Variants in GHRHR observed in about 807,000 individuals in gnomAD.
GHRHR encodes the protein growth hormone-releasing hormone receptor.
A neutral mutation model predicts 58.3 loss-of-function variants in GHRHR; 40 were observed. The ratio of observed to expected loss-of-function variants is 0.69; its 90% CI spans 0.53 to 0.89. The LOEUF is 0.89. Among genes scored for constraint, GHRHR ranks in the 40% least tolerant of loss-of-function variants. The pLI is 0.00. For missense variants in GHRHR, 551 were observed against 541.3 expected (o/e 1.02, Z -0.18); for synonymous variants, 249 against 216.6 (o/e 1.15, Z -1.31).
rs1562594746 is a variant in GHRHR, at chr7:30,974,489, CGT to C, written c.812+2_812+3del. On this transcript the variant is annotated splice_donor_variant, in intron 8 of 12. Coordinates refer to ENST00000326139, the MANE Select transcript of GHRHR (RefSeq NM_000823.4). LOFTEE classifies it high-confidence loss of function. The stretch of plus-strand genomic sequence containing the variant: ...TGCAAACTGGCCTTCGAGGACATCG[CGT>C]GAGTCGGAGCGGCCACCTTGTCATA... The C allele has an allele frequency of 3.7e-6, 6 of 1,608,692 alleles. No homozygotes were observed. Among genetic ancestry groups the C allele is most frequent in the African/African-American group, 1.3e-5 (1 of 74,938 alleles).
rs73307718 is a variant in GHRHR, at chr7:30,967,413, A to G, written c.58-1421A>G. On this transcript the variant is annotated intron_variant, in intron 1 of 12. Coordinates refer to ENST00000326139, the MANE Select transcript of GHRHR (RefSeq NM_000823.4). Reference sequence around the variant, plus strand: ...AAACCCCAACTTGTTTCCAGCTTCCAGAGATCATTTCTCATGGCCACTGTG... The same window carrying G: ...AAACCCCAACTTGTTTCCAGCTTCCGGAGATCATTTCTCATGGCCACTGTG... Among the ~76,000 whole-genome samples the G allele has an allele frequency of 6.6e-3, 1,003 of 152,344 alleles. 8 individuals carry two copies. The highest frequency in any genetic ancestry group is 0.023 in the African/African-American group (976 of 41,590).
chr7:30,964,383 T>C lies in GHRHR; in HGVS notation c.57+258T>C, dbSNP rs1584408587. On this transcript the variant is annotated intron_variant, in intron 1 of 12. Coordinates refer to ENST00000326139, the MANE Select transcript of GHRHR (RefSeq NM_000823.4). Reference sequence around the variant, plus strand: ...TTCCAGGGGCTGAGCTGAGCTCACCTTCTTGTTGCTTCCCCCAGGGCCTGG... The same window carrying C: ...TTCCAGGGGCTGAGCTGAGCTCACCCTCTTGTTGCTTCCCCCAGGGCCTGG... 2.4e-5 allele frequency among the ~76,000 whole-genome samples: 3 copies of C among 124,754 alleles called. No individual in the cohort carries two copies. The Admixed American group carries it at 2.6e-4, about 11-fold the overall frequency. 81.8% of individuals were successfully genotyped at this position (124,754 alleles called of 152,430 possible).
Position 30,977,310 on chromosome 7 carries a change from C to T in GHRHR, c.1134C>T (p.Phe378=), listed in dbSNP as rs1439938041. The T allele has an allele frequency of 2.5e-6, 4 of 1,614,088 alleles. No individual in the cohort carries two copies. Among genetic ancestry groups the T allele is most frequent in the Non-Finnish European group, 3.4e-6 (4 of 1,179,950 alleles). The change falls in exon 12 of 13, where the codon TTC becomes TTT. Residue 378 remains phenylalanine, a synonymous_variant. Coordinates refer to ENST00000326139, the MANE Select transcript of GHRHR (RefSeq NM_000823.4). ...TCATTGTTGCCATCCTCTACTGCTT[C>T]CTCAACCAAGAGGTGTGTGATTTTT... ...QGFIVAILYC[F]LNQEVRTEIS... is the part of the protein sequence containing the mutation.
At chr7:30,966,697 C>T (rs920810672) in intron 1 of GHRHR, among the ~76,000 whole-genome samples, 3 of 151,820 alleles carry the variant, frequency 2.0e-5, no homozygotes, top group African/African-American at 7.3e-5. Flanking sequence ...GGCTGGAGTA[C>T]AGTGGCACAA....
Position 30,969,109 on chromosome 7 carries a change from C to T in GHRHR, c.207C>T (p.Gly69=), listed in dbSNP as rs769587851. 1.1e-5 allele frequency: 17 copies of T among 1,580,196 alleles called. No homozygotes were observed. Among genetic ancestry groups the T allele is most frequent in the Non-Finnish European group, 1.3e-5 (15 of 1,163,112 alleles). ...WDGLLCWPTA[G]SGEWVTLPCP... is the part of the protein sequence containing the mutation. ...GGCTGCTGTGCTGGCCAACGGCAGGCTCTGGCGAGTGGGTCACCCTCCCCT... is the reference window on the plus strand; with the variant it reads ...GGCTGCTGTGCTGGCCAACGGCAGGTTCTGGCGAGTGGGTCACCCTCCCCT... Residue 69 remains glycine, a synonymous_variant, in exon 3 of 13, where the codon GGC becomes GGT. Coordinates refer to ENST00000326139, the MANE Select transcript of GHRHR (RefSeq NM_000823.4).
At chr7:30,972,328 G>A (rs866566162) in intron 6 of GHRHR, among the ~76,000 whole-genome samples, 4 of 152,116 alleles carry the variant, frequency 2.6e-5, no homozygotes, top group Non-Finnish European at 2.9e-5. Context: ...GCTCTACTCC[G>A]CGTTCTGTAG....
chr7:30,974,181 G>A (rs764251032), intron 7 of GHRHR, 43 bp downstream of exon 7: 2 of 1,598,128 alleles, frequency 1.3e-6, no homozygotes, highest in Admixed American at 3.3e-5. Flanking sequence ...GAGGTAAAGG[G>A]CTGGAAAGGC....
intron 8 of GHRHR, 147 bp downstream of exon 8, chr7:30,974,636 G>T: frequency 1.4e-6 from 1 of 724,556 alleles, no homozygotes; most frequent in Non-Finnish European, 2.5e-6. Context: ...CAGTCTGTGA[G>T]TAGCACAGAA....
At chr7:30,977,366 C>G (rs960228318) in intron 12 of GHRHR, 44 bp downstream of exon 12, 1 of 1,565,132 alleles carries the variant, frequency 6.4e-7, no homozygotes, top group East Asian at 2.2e-5. Context: ...CCCCCTCCCA[C>G]CAGACCTAAG....
chr7:30,979,098 T>C, intron 12 of GHRHR, 21 bp from the exon 13 acceptor site: 1 of 1,612,752 alleles, frequency 6.2e-7, no homozygotes, highest in Non-Finnish European at 8.5e-7. Context: ...CTTCCTAACG[T>C]CCTCTTCCTT....
chr7:30,969,483 C>T (rs770619385), intron 3 of GHRHR: 10 of 595,104 alleles, frequency 1.7e-5, no homozygotes, highest in African/African-American at 3.7e-5. Flanking sequence ...ACTGCCAAGA[C>T]ACCACCAACT....
intron 1 of GHRHR, among the ~76,000 whole-genome samples, chr7:30,965,757 A>G (rs1161106918): frequency 1.3e-5 from 2 of 152,210 alleles, no homozygotes; most frequent in Non-Finnish European, 2.9e-5. Context: ...AGGCAGAAGG[A>G]TAGGCAGAGA....
rs755061353 is a variant in GHRHR, at chr7:30,973,995, A to T, written c.608A>T (p.Lys203Met). The change falls in exon 7 of 13, where the codon AAG (lysine) becomes ATG (methionine). Residue 203 changes from lysine to methionine, a missense_variant. Lys to Met is a moderately conservative substitution (Grantham distance 95, BLOSUM62 -1). Transcript: ENST00000326139. The part of the protein sequence containing the change: ...DHCSFSTVLC[K>M]VSVAASHFAT... ...GGTCCTGGCCCCCAGGTTCTATGCA[A>T]GGTCTCTGTGGCCGCCTCCCATTTC... 1.9e-6 allele frequency: 3 copies of T among 1,613,368 alleles called. No homozygotes were observed. Among genetic ancestry groups the T allele is most frequent in the Non-Finnish European group, 2.5e-6 (3 of 1,179,964 alleles).
Position 30,975,903 on chromosome 7 carries a change from G to A in GHRHR, c.974+35G>A, listed in dbSNP as rs201962314. ...GTTTGTGTCTGGGGATACTGGGAAA[G>A]GGTAACTGGAGGGGGATTCAATGTG... On this transcript the variant is annotated intron_variant, in intron 10 of 12. Coordinates refer to ENST00000326139, the MANE Select transcript of GHRHR (RefSeq NM_000823.4). 1.9e-5 allele frequency: 23 copies of A among 1,197,682 alleles called. No individual in the cohort carries two copies. The Admixed American group carries it at 3.7e-4, about 19-fold the overall frequency. The allele number at this position is 1,197,682 out of a possible 1,614,324, so 74.2% of individuals were successfully genotyped here.
chr7:30,965,900 G>A (rs563473208), intron 1 of GHRHR, among the ~76,000 whole-genome samples: 1 of 152,228 alleles, frequency 6.6e-6, no homozygotes, highest in African/African-American at 2.4e-5. Context: ...TAGGGGAGAC[G>A]CAACGGGGCT....
chr7:30,964,265 T>A, intron 1 of GHRHR, 140 bp downstream of exon 1: 2 of 789,944 alleles, frequency 2.5e-6, no homozygotes, highest in Non-Finnish European at 4.3e-6. Flanking sequence ...TGGCAGGCTG[T>A]GGCTTGGAGA....
At chr7:30,972,291 C>T (rs996956770) in intron 6 of GHRHR, 196 bp downstream of exon 6, 29 of 623,206 alleles carry the variant, frequency 4.7e-5, no homozygotes, top group East Asian at 1.1e-4. Context: ...ACTGTGGTGT[C>T]GATCCATGTC....
chr7:30,978,061 C>T (rs531923620), intron 12 of GHRHR, among the ~76,000 whole-genome samples: 44 of 152,216 alleles, frequency 2.9e-4, no homozygotes, highest in African/African-American at 4.3e-4. Context: ...CAGGGCCATG[C>T]GCTCCCTCTG....
At chr7:30,966,728 C>T (rs749367657) in intron 1 of GHRHR, among the ~76,000 whole-genome samples, 3 of 152,048 alleles carry the variant, frequency 2.0e-5, no homozygotes, top group Admixed American at 6.5e-5. Context: ...CTGTAACCTC[C>T]GCCTCCTGGG....
Sources: allele counts gnomAD v4.1 joint callset (sites outside exome capture counted in the v4.1 genomes callset), GRCh38; gene constraint gnomAD v4.1.1; transcripts MANE v1.5; gene names NCBI Gene and HGNC (gene_info 2026-07-23, HGNC 2026-07-21).